Variants in ZNF704 observed in about 807,000 individuals in gnomAD.
The protein encoded by ZNF704 is zinc finger protein 704, also known as glucocorticoid induced gene 1.
Under a neutral mutation model 44.7 loss-of-function variants are expected in ZNF704, and 10 were observed. The ratio of observed to expected loss-of-function variants is 0.22; its 90% CI spans 0.14 to 0.38. The LOEUF is 0.38. Among genes scored for constraint, ZNF704 ranks in the 10% least tolerant of loss-of-function variants. The probability of loss-of-function intolerance (pLI) is 1.00; values close to 1 mark genes in which losing one functional copy is unlikely to be tolerated. For synonymous variants in ZNF704, 211 were observed against 207.6 expected (o/e 1.02, Z -0.14); for missense variants, 390 against 545.5 (o/e 0.71, Z 2.84).
At position 80,840,816 on chromosome 8, in the gene ZNF704, T is replaced by A. The variant is rs182499885; in HGVS notation, c.-21-19201A>T. 1.5e-3 allele frequency among the ~76,000 whole-genome samples: 230 copies of A among 152,360 alleles called. 2 individuals carry two copies. The highest frequency in any genetic ancestry group is 5.4e-3 in the African/African-American group (223 of 41,588). On this transcript the variant is annotated intron_variant, in intron 1 of 8. Transcript: ENST00000327835. The stretch of plus-strand genomic sequence containing the variant: ...TATCACTAAGTTTAATAAACACTTT[T>A]CAATTTCCATTTTTAAACAGTACTA...
intron 7 of ZNF704, among the ~76,000 whole-genome samples, chr8:80,646,310 T>C (rs1817833074): frequency 6.6e-6 from 1 of 152,082 alleles, no homozygotes; most frequent in South Asian, 2.1e-4. Flanking sequence ...TGAAACCCCA[T>C]CTCTACTAAA....
intron 7 of ZNF704, among the ~76,000 whole-genome samples, chr8:80,652,306 A>G (rs1438203410): frequency 6.6e-6 from 1 of 152,156 alleles, no homozygotes; most frequent in African/African-American, 2.4e-5. Flanking sequence ...AAGGCAAGAA[A>G]TAACTAAGAT....
At chr8:80,837,759 T>C (rs1436733890) in intron 1 of ZNF704, among the ~76,000 whole-genome samples, 1 of 152,192 alleles carries the variant, frequency 6.6e-6, no homozygotes, top group African/African-American at 2.4e-5. Flanking sequence ...TTATTTCTTT[T>C]CGAAGGAGGC....
chr8:80,658,489 C>T (rs1407210942), intron 7 of ZNF704, among the ~76,000 whole-genome samples: 1 of 152,138 alleles, frequency 6.6e-6, no homozygotes, highest in Non-Finnish European at 1.5e-5. Flanking sequence ...TCTAAGCTGC[C>T]CTCTTCTAAC....
At chr8:80,868,368 G>A (rs1019742704) in intron 1 of ZNF704, among the ~76,000 whole-genome samples, 11 of 152,178 alleles carry the variant, frequency 7.2e-5, no homozygotes, top group African/African-American at 1.9e-4. Context: ...GAGTAATCAA[G>A]CAACAAATCT....
intron 2 of ZNF704, among the ~76,000 whole-genome samples, chr8:80,782,731 AGT>A (rs1402833155): frequency 1.3e-5 from 2 of 152,198 alleles, no homozygotes; most frequent in Non-Finnish European, 2.9e-5. Context: ...GGTTGTCAGC[AGT>A]GCTTTTGAGG....
chr8:80,637,183 A>C lies in ZNF704; in HGVS notation c.*4183T>G, dbSNP rs1023831079. 1.3e-5 allele frequency: 2 copies of C among 149,586 alleles called. No homozygotes were observed. The highest frequency in any genetic ancestry group is 5.1e-5 in the African/African-American group (2 of 39,122). The allele number at this position is 149,586 out of a possible 1,614,324, so 9.3% of individuals were successfully genotyped here. A position where few individuals can be genotyped will look rare whatever the true frequency, so the allele number is the denominator to read the frequency against. ...ATGTCAGTACTGCCCAGTTCACATAAATTTGTCTTGAAATGATACCATGTT... is the reference window on the plus strand; with the variant it reads ...ATGTCAGTACTGCCCAGTTCACATACATTTGTCTTGAAATGATACCATGTT... On this transcript the variant is annotated 3_prime_UTR_variant, in exon 9 of 9. Transcript: ENST00000327835.
chr8:80,704,637 T>G (rs1193431531), intron 2 of ZNF704, among the ~76,000 whole-genome samples: 2 of 152,098 alleles, frequency 1.3e-5, no homozygotes, highest in Non-Finnish European at 2.9e-5. Flanking sequence ...TGGCCAACGA[T>G]TTACTAAATC....
intron 1 of ZNF704, among the ~76,000 whole-genome samples, chr8:80,861,942 A>G (rs1809068332): frequency 6.6e-6 from 1 of 151,730 alleles, no homozygotes; most frequent in Admixed American, 6.6e-5. Context: ...AAAGTTTACT[A>G]AAGTTCAATA....
chr8:80,855,828 A>C (rs536552267), intron 1 of ZNF704, among the ~76,000 whole-genome samples: 15 of 152,382 alleles, frequency 9.8e-5, no homozygotes, highest in African/African-American at 3.6e-4. Flanking sequence ...CAACCTCCTA[A>C]GGTAACGAAG....
intron 2 of ZNF704, among the ~76,000 whole-genome samples, chr8:80,739,947 G>GGCCAAGTGCCAGCCCAT (rs1806729316): frequency 6.6e-6 from 1 of 152,122 alleles, no homozygotes; most frequent in African/African-American, 2.4e-5. Flanking sequence ...AGGGTGCCCG[G>GGCCAAGTGCCAGCCCAT]GCCAAGTGCC....
At chr8:80,655,131 A>C (rs1817993128) in intron 7 of ZNF704, among the ~76,000 whole-genome samples, 1 of 152,072 alleles carries the variant, frequency 6.6e-6, no homozygotes, top group African/African-American at 2.4e-5. Context: ...CATAGATGGG[A>C]ATTGAACAAT....
intron 2 of ZNF704, among the ~76,000 whole-genome samples, chr8:80,702,764 T>C (rs1397006833): frequency 6.6e-6 from 1 of 152,046 alleles, no homozygotes; most frequent in African/African-American, 2.4e-5. Context: ...TTCTGAGAGA[T>C]GGCCGAGTCC....
intron 1 of ZNF704, among the ~76,000 whole-genome samples, chr8:80,857,657 T>C (rs1808985367): frequency 6.6e-6 from 1 of 152,212 alleles, no homozygotes; most frequent in Admixed American, 6.5e-5. Context: ...TTTTTGCCTA[T>C]GTACATGAAA....
rs1817592128 is a variant in ZNF704 at position 80,631,881 on chromosome 8, A to AAG, written c.*9483_*9484dup. The AAG allele has an allele frequency of 6.6e-6, 1 of 152,208 alleles. No homozygotes were observed. The highest frequency in any genetic ancestry group is 1.5e-5 in the Non-Finnish European group (1 of 68,048). 9.4% of individuals were successfully genotyped at this position (152,208 alleles called of 1,614,324 possible). A position where few individuals can be genotyped will look rare whatever the true frequency, so the allele number is the denominator to read the frequency against. Reference sequence around the variant, plus strand: ...TATTTATCCCCTTGCACCTTAATTTAAGAGAGAGAAAGCAGTAGCACAGAA... The same window carrying AAG: ...TATTTATCCCCTTGCACCTTAATTTAAGAGAGAGAGAAAGCAGTAGCACAGAA... On this transcript the variant is annotated 3_prime_UTR_variant, in exon 9 of 9. Coordinates refer to ENST00000327835, the MANE Select transcript of ZNF704 (RefSeq NM_001033723.3).
the ZNF704 span, among the ~76,000 whole-genome samples, chr8:80,880,990 A>G: frequency 6.6e-6 from 1 of 152,240 alleles, no homozygotes; most frequent in South Asian, 2.1e-4. Context: ...TGTTATATGT[A>G]TCCATGACAT....
At chr8:80,746,127 G>T (rs923792680) in intron 2 of ZNF704, among the ~76,000 whole-genome samples, 1 of 152,176 alleles carries the variant, frequency 6.6e-6, no homozygotes, top group Non-Finnish European at 1.5e-5. Context: ...TTACCCAAGC[G>T]AAGTGTAACC....
At chr8:80,829,296 C>T (rs1016157411) in intron 1 of ZNF704, among the ~76,000 whole-genome samples, 10 of 152,064 alleles carry the variant, frequency 6.6e-5, no homozygotes, top group Non-Finnish European at 2.9e-5. Context: ...CTCTCTCTGC[C>T]TGGAGGTGGG....
chr8:80,661,053 G>A (rs1818094626), intron 6 of ZNF704, among the ~76,000 whole-genome samples: 1 of 152,118 alleles, frequency 6.6e-6, no homozygotes, highest in Admixed American at 6.6e-5. Context: ...CATCTGACAA[G>A]AGACTACTAT....
Sources: allele counts gnomAD v4.1 joint callset (sites outside exome capture counted in the v4.1 genomes callset), GRCh38; gene constraint gnomAD v4.1.1; transcripts MANE v1.5; gene names NCBI Gene and HGNC (gene_info 2026-07-23, HGNC 2026-07-21).